ADAM32: variants seen among roughly 807,000 people sequenced by gnomAD.
ADAM32 encodes disintegrin and metalloproteinase domain-containing protein 32.
A neutral mutation model predicts 114.9 loss-of-function variants in ADAM32; 89 were observed. The ratio of observed to expected loss-of-function variants is 0.77; its 90% CI spans 0.65 to 0.92. The LOEUF is 0.92. Among genes scored for constraint, ADAM32 ranks in the 40% least tolerant of loss-of-function variants. The pLI, the probability that ADAM32 is intolerant of heterozygous loss-of-function variation, is 0.00. For missense variants in ADAM32, 870 were observed against 932.8 expected, an observed-to-expected ratio of 0.93 and a Z score of 0.88; for synonymous variants, 285 against 307.5, an observed-to-expected ratio of 0.93 and a Z score of 0.77.
chr8:39,213,555 A>T (rs72641206), intron 12 of ADAM32, among the ~76,000 whole-genome samples: 8,666 of 152,178 alleles, frequency 0.057, 314 homozygotes, highest in Middle Eastern at 0.11. Flanking sequence ...TTGCACATAC[A>T]TCTACCATAT....
chr8:39,282,251 C>G (rs1813465702), intron 23 of ADAM32, among the ~76,000 whole-genome samples: 1 of 152,118 alleles, frequency 6.6e-6, no homozygotes. Context: ...ATTTTCCCTA[C>G]CTATTTATAG....
chr8:39,224,126 C>G (rs1472130196), intron 14 of ADAM32: 2 of 152,150 alleles, frequency 1.3e-5, no homozygotes, highest in African/African-American at 4.8e-5. Context: ...ATACTCAGAA[C>G]ACAAATAAAA....
At chr8:39,162,996 A>G (rs959810806) in intron 7 of ADAM32, among the ~76,000 whole-genome samples, 3 of 152,232 alleles carry the variant, frequency 2.0e-5, no homozygotes, top group African/African-American at 7.2e-5. Flanking sequence ...GGAAGACTCC[A>G]TCTCAAAAAC....
At chr8:39,116,367 A>T (rs1056058492) in intron 1 of ADAM32, among the ~76,000 whole-genome samples, 2 of 152,152 alleles carry the variant, frequency 1.3e-5, no homozygotes, top group Non-Finnish European at 2.9e-5. Flanking sequence ...CCTATCCATG[A>T]GTATGGAATG....
chr8:39,226,483 ATAT>A (rs1429392046), intron 14 of ADAM32, among the ~76,000 whole-genome samples: 1 of 152,150 alleles, frequency 6.6e-6, no homozygotes, highest in Non-Finnish European at 1.5e-5. Context: ...ACACCAAGAC[ATAT>A]TATAATAAAA....
chr8:39,221,935 T>G (rs1808999632), intron 13 of ADAM32, among the ~76,000 whole-genome samples: 1 of 152,030 alleles, frequency 6.6e-6, no homozygotes, highest in Non-Finnish European at 1.5e-5. Flanking sequence ...TTAGAGATAT[T>G]ATTGGATTCT....
chr8:39,183,117 T>A (rs771240849), intron 10 of ADAM32, among the ~76,000 whole-genome samples: 14 of 152,196 alleles, frequency 9.2e-5, no homozygotes, highest in Non-Finnish European at 1.3e-4. Context: ...TAGGCAGTAT[T>A]TTTGTATGTT....
intron 23 of ADAM32, 112 bp downstream of exon 23, chr8:39,281,286 A>G (rs924978646): frequency 6.8e-6 from 3 of 438,140 alleles, no homozygotes; most frequent in African/African-American, 4.2e-5. Context: ...CACAATCGAT[A>G]AAGTCTACAC....
At chr8:39,197,666 G>T (rs1030044618) in intron 11 of ADAM32, among the ~76,000 whole-genome samples, 2 of 151,994 alleles carry the variant, frequency 1.3e-5, no homozygotes, top group Non-Finnish European at 2.9e-5. Context: ...TATTTCATAT[G>T]GTCTAAGAAG....
chr8:39,284,662 A>C (rs1813664153), intron 24 of ADAM32, 131 bp from the exon 25 acceptor site: 2 of 959,248 alleles, frequency 2.1e-6, no homozygotes, highest in South Asian at 3.4e-5. Context: ...CAAAATTGTA[A>C]ACATCCTTTC....
intron 9 of ADAM32, chr8:39,167,169 C>T (rs1316510528): frequency 1.3e-5 from 2 of 152,090 alleles, no homozygotes; most frequent in Non-Finnish European, 2.9e-5. Context: ...TTTATAGTTT[C>T]AGATCTTAGT....
chr8:39,257,752 G>T (rs1430381872), intron 19 of ADAM32, among the ~76,000 whole-genome samples: 2 of 151,996 alleles, frequency 1.3e-5, no homozygotes, highest in Non-Finnish European at 2.9e-5. Flanking sequence ...TATTCTTTGG[G>T]TTAAATTTTC....
At chr8:39,223,271 T>C (rs1284725321) in intron 14 of ADAM32, 33 bp downstream of exon 14, 1 of 1,410,256 alleles carries the variant, frequency 7.1e-7, no homozygotes. Context: ...CAATAGCCCT[T>C]AACATTGTTA....
chr8:39,247,176 T>G (rs1467304195), intron 17 of ADAM32, among the ~76,000 whole-genome samples: 7 of 152,212 alleles, frequency 4.6e-5, no homozygotes, highest in African/African-American at 1.7e-4. Flanking sequence ...TCTGCAGGTT[T>G]TTGTGTGGAC....
chr8:39,133,917 G>A (rs758724759), intron 2 of ADAM32, among the ~76,000 whole-genome samples: 8 of 152,280 alleles, frequency 5.3e-5, no homozygotes, highest in Non-Finnish European at 8.8e-5. Context: ...TGCTGGGAGC[G>A]CGTGAGGTTG....
chr8:39,177,692 T>C (rs187999094), intron 10 of ADAM32, among the ~76,000 whole-genome samples: 7 of 152,342 alleles, frequency 4.6e-5, no homozygotes. Context: ...GGAGCTCTTG[T>C]AAGGCAGGCC....
At chr8:39,209,387 GT>G (rs1269416288) in intron 11 of ADAM32, among the ~76,000 whole-genome samples, 1 of 151,776 alleles carries the variant, frequency 6.6e-6, no homozygotes, top group East Asian at 1.9e-4. Flanking sequence ...GTTTCTCTGT[GT>G]TTTCTTGATG....
intron 20 of ADAM32, among the ~76,000 whole-genome samples, chr8:39,272,573 A>C (rs1265275968): frequency 1.3e-5 from 2 of 152,194 alleles, no homozygotes; most frequent in African/African-American, 4.8e-5. Flanking sequence ...TAGAAAAGCT[A>C]CTGTAAAAAT....
chr8:39,185,835 G>A (rs1386236310), intron 10 of ADAM32, among the ~76,000 whole-genome samples: 1 of 151,950 alleles, frequency 6.6e-6, no homozygotes, highest in African/African-American at 2.4e-5. Context: ...GGACCTAGAG[G>A]CAATGTGGGG....
Sources: allele counts gnomAD v4.1 joint callset (sites outside exome capture counted in the v4.1 genomes callset), GRCh38; gene constraint gnomAD v4.1.1; transcripts MANE v1.5; gene names NCBI Gene and HGNC (gene_info 2026-07-23, HGNC 2026-07-21).